Variants in PDE5A observed in about 807,000 individuals in gnomAD.
PDE5A encodes the protein phosphodiesterase 5A.
A neutral mutation model predicts 110.2 loss-of-function variants in PDE5A; 67 were observed. That is an observed-to-expected ratio of 0.61 (90% confidence interval 0.50 to 0.75). PDE5A has a LOEUF of 0.75. PDE5A is among the 30% of genes least tolerant of loss of function. PDE5A has a pLI of 0.00. For missense variants in PDE5A, 862 were observed against 1,045.1 expected (o/e 0.82, Z 2.42); for synonymous variants, 328 against 351.2 (o/e 0.93, Z 0.74).
intron 2 of PDE5A, among the ~76,000 whole-genome samples, chr4:119,596,888 A>G (rs1729172566): frequency 6.6e-6 from 1 of 152,106 alleles, no homozygotes; most frequent in African/African-American, 2.4e-5. Flanking sequence ...CAAAATATTA[A>G]CCACTTTAGA....
At chr4:119,504,478 G>T in intron 18 of PDE5A, 58 bp downstream of exon 18, 3 of 1,342,186 alleles carry the variant, frequency 2.2e-6, no homozygotes, top group South Asian at 1.2e-5. Context: ...TAGTGGGATT[G>T]CTGGGTAGAA....
intron 20 of PDE5A, chr4:119,499,618 T>G (rs1238761842): frequency 6.6e-6 from 1 of 152,358 alleles, no homozygotes; most frequent in East Asian, 1.9e-4. Flanking sequence ...CTTGGCTCAC[T>G]GCAACCCCCT....
intron 2 of PDE5A, among the ~76,000 whole-genome samples, chr4:119,603,796 AT>A (rs1388114051): frequency 1.3e-4 from 20 of 152,324 alleles, no homozygotes; most frequent in Admixed American, 1.2e-3. Context: ...GTGACATTAC[AT>A]CCTTTAAAGT....
chr4:119,504,777 G>C (rs776795643), intron 17 of PDE5A, among the ~76,000 whole-genome samples, 178 bp from the exon 18 acceptor site: 8 of 152,030 alleles, frequency 5.3e-5, no homozygotes, highest in Non-Finnish European at 1.0e-4. Flanking sequence ...ATTGATAACA[G>C]AGCATCATTG....
At chr4:119,502,505 T>C (rs1220504745) in intron 19 of PDE5A, 76 bp downstream of exon 19, 8 of 810,494 alleles carry the variant, frequency 9.9e-6, no homozygotes, top group Non-Finnish European at 1.6e-5. Flanking sequence ...AAAGATCCCA[T>C]AGAGCCATAA....
chr4:119,554,328 AAG>A (rs1727464763), intron 7 of PDE5A, among the ~76,000 whole-genome samples: 1 of 152,028 alleles, frequency 6.6e-6, no homozygotes, highest in African/African-American at 2.4e-5. Flanking sequence ...GAGATGCTTT[AAG>A]ATACTTTTAA....
At chr4:119,609,363 A>C (rs1224243057) in intron 1 of PDE5A, among the ~76,000 whole-genome samples, 2 of 152,190 alleles carry the variant, frequency 1.3e-5, no homozygotes, top group Admixed American at 1.3e-4. Flanking sequence ...CACTTATACA[A>C]GAGAACACTA....
At chr4:119,507,347 A>C (rs937130223) in intron 16 of PDE5A, among the ~76,000 whole-genome samples, 2 of 151,896 alleles carry the variant, frequency 1.3e-5, no homozygotes, top group East Asian at 1.9e-4. Flanking sequence ...TGACCTTGAG[A>C]TGGCTATTAG....
intron 9 of PDE5A, among the ~76,000 whole-genome samples, chr4:119,551,055 G>A (rs1440867256): frequency 6.6e-6 from 1 of 152,088 alleles, no homozygotes; most frequent in Non-Finnish European, 1.5e-5. Flanking sequence ...GTTTCTAAGC[G>A]GCTTTAATGC....
At position 119,521,077 on chromosome 4, in the gene PDE5A, A is replaced by ATAAG. The variant is rs1726112418; in HGVS notation, c.1780-21_1780-18dup. 1.2e-6 allele frequency: 2 copies of ATAAG among 1,607,544 alleles called. No individual in the cohort carries two copies. The highest frequency in any genetic ancestry group is 3.4e-5 in the Admixed American group (2 of 59,594). Reference sequence around the variant, plus strand: ...GCAAAGAACCTTTAGGGAATAAAACATAAGTAGTAACAATAATTGCCAACA... The same window carrying ATAAG: ...GCAAAGAACCTTTAGGGAATAAAACATAAGTAAGTAGTAACAATAATTGCCAACA... On this transcript the variant is annotated splice_polypyrimidine_tract_variant and intron_variant, in intron 12 of 20. Coordinates refer to ENST00000354960, the MANE Select transcript of PDE5A (RefSeq NM_001083.4).
chr4:119,523,134 CAG>C (rs888901414), intron 12 of PDE5A, among the ~76,000 whole-genome samples: 1 of 152,010 alleles, frequency 6.6e-6, no homozygotes, highest in Non-Finnish European at 1.5e-5. Flanking sequence ...CTCTTACAAA[CAG>C]ATATTCTTAA....
At chr4:119,572,376 C>T (rs188109652) in intron 3 of PDE5A, among the ~76,000 whole-genome samples, 1 of 152,230 alleles carries the variant, frequency 6.6e-6, no homozygotes, top group East Asian at 1.9e-4. Flanking sequence ...ACTAACTGAA[C>T]AATGCATATT....
chr4:119,623,797 C>G (rs932440064), intron 1 of PDE5A, among the ~76,000 whole-genome samples: 1 of 152,068 alleles, frequency 6.6e-6, no homozygotes, highest in East Asian at 1.9e-4. Context: ...TGAAAAAAAG[C>G]TACTGAATGA....
At chr4:119,620,056 G>T (rs1310319043) in intron 1 of PDE5A, among the ~76,000 whole-genome samples, 2 of 152,098 alleles carry the variant, frequency 1.3e-5, no homozygotes, top group Admixed American at 1.3e-4. Context: ...TGGAGTTCAG[G>T]GATGTTAAAT....
At chr4:119,603,139 T>C (rs1729402261) in intron 2 of PDE5A, among the ~76,000 whole-genome samples, 1 of 152,206 alleles carries the variant, frequency 6.6e-6, no homozygotes. Context: ...TATATAGTAG[T>C]TCTGATTATA....
At chr4:119,550,175 A>C (rs1727290892) in intron 9 of PDE5A, 1 of 152,180 alleles carries the variant, frequency 6.6e-6, no homozygotes. Flanking sequence ...TTTGGGATCT[A>C]CTTGAGAACC....
At chr4:119,595,968 T>A (rs1729138438) in intron 3 of PDE5A, among the ~76,000 whole-genome samples, 1 of 152,220 alleles carries the variant, frequency 6.6e-6, no homozygotes, top group African/African-American at 2.4e-5. Context: ...TAACTCTTTT[T>A]TCCAAATAAG....
intron 2 of PDE5A, among the ~76,000 whole-genome samples, chr4:119,602,125 T>C (rs1729367578): frequency 6.6e-6 from 1 of 152,172 alleles, no homozygotes; most frequent in Non-Finnish European, 1.5e-5. Context: ...TCAGATTAGA[T>C]AATAGTATTC....
chr4:119,546,336 G>GTC (rs1727128787), intron 9 of PDE5A, among the ~76,000 whole-genome samples: 1 of 151,940 alleles, frequency 6.6e-6, no homozygotes, highest in East Asian at 1.9e-4. Context: ...ATAAAATGGT[G>GTC]TCTTTCATTC....
Sources: allele counts gnomAD v4.1 joint callset (sites outside exome capture counted in the v4.1 genomes callset), GRCh38; gene constraint gnomAD v4.1.1; transcripts MANE v1.5; gene names NCBI Gene and HGNC (gene_info 2026-07-23, HGNC 2026-07-21).